Variants in ZNF292 observed in about 807,000 individuals in gnomAD.
ZNF292 encodes the protein zinc finger protein 292, also known as 16 zinc-finger domain protein.
In ZNF292, 26 loss-of-function variants were observed where a neutral mutation model predicts 217.9. The observed-to-expected ratio is 0.12, with a 90% CI of 0.09 to 0.17. ZNF292 has a LOEUF of 0.17. Ranked by LOEUF, ZNF292 falls within the 10% of genes least tolerant of loss-of-function variation. The probability of loss-of-function intolerance (pLI) is 1.00; values close to 1 mark genes in which losing one functional copy is unlikely to be tolerated. For missense variants in ZNF292, 2,904 were observed against 3,175.2 expected (o/e 0.91, Z 2.05); for synonymous variants, 1,257 against 1,124.1 (o/e 1.12, Z -2.37).
At chr6:87,221,944 TTC>T (rs1773103832) in intron 4 of ZNF292, among the ~76,000 whole-genome samples, 2 of 152,140 alleles carry the variant, frequency 1.3e-5, no homozygotes, top group South Asian at 4.1e-4. Context: ...AGCCATGTAA[TTC>T]TCACAACTCA....
Position 87,164,045 on chromosome 6 carries a change from G to A in ZNF292, c.168+8286G>A, listed in dbSNP as rs115042771. On this transcript the variant is annotated intron_variant, in intron 1 of 7. Coordinates refer to ENST00000369577, the MANE Select transcript of ZNF292 (RefSeq NM_015021.3). ...ACCCTTGTTTCGCCCACCTCGCCCC[G>A]CCAAGTATCGTGTATCAGTTATTGT... is the stretch of plus-strand genomic sequence containing the variant. Among the ~76,000 whole-genome samples, 1,438 of 152,194 alleles carry A rather than the reference G, an allele frequency of 9.4e-3. 19 individuals carry two copies. The highest frequency in any genetic ancestry group is 0.033 in the African/African-American group (1,353 of 41,516).
chr6:87,245,908 G>T (rs1173403023), intron 7 of ZNF292, among the ~76,000 whole-genome samples: 1 of 152,132 alleles, frequency 6.6e-6, no homozygotes, highest in Non-Finnish European at 1.5e-5. Flanking sequence ...GGTTCTAGGG[G>T]TTATACTACT....
intron 4 of ZNF292, among the ~76,000 whole-genome samples, chr6:87,227,247 A>G (rs888588437): frequency 3.3e-5 from 5 of 152,204 alleles, no homozygotes; most frequent in African/African-American, 4.8e-5. Flanking sequence ...AATCCTGGCT[A>G]TAATTAGAAT....
rs151046560 is a variant in ZNF292 at position 87,168,118 on chromosome 6, T to C, written c.168+12359T>C. On this transcript the variant is annotated intron_variant, in intron 1 of 7. Transcript: ENST00000369577. ...CCAGATTGAAGAGAAAGGGAATCAGTATTCAGAACAGGCACTGTTAGATGC... is the reference window on the plus strand; with the variant it reads ...CCAGATTGAAGAGAAAGGGAATCAGCATTCAGAACAGGCACTGTTAGATGC... Among the ~76,000 whole-genome samples, 277 of 152,336 alleles carry C rather than the reference T, an allele frequency of 1.8e-3. 2 individuals are homozygous for C. The highest frequency in any genetic ancestry group is 6.5e-3 in the African/African-American group (269 of 41,572).
At chr6:87,216,078 A>G (rs187550233) in intron 2 of ZNF292, 21 bp downstream of exon 2, 1 of 1,527,832 alleles carries the variant, frequency 6.5e-7, no homozygotes, top group Admixed American at 2.2e-5. Context: ...CTTTGAGTAA[A>G]TAAACTAGAT....
chr6:87,183,243 G>A (rs532520714), intron 1 of ZNF292, among the ~76,000 whole-genome samples: 1 of 152,242 alleles, frequency 6.6e-6, no homozygotes, highest in African/African-American at 2.4e-5. Context: ...ACAAAGAGCC[G>A]CATCTAATAA....
At chr6:87,220,459 A>C (rs1265446975) in intron 4 of ZNF292, among the ~76,000 whole-genome samples, 1 of 152,134 alleles carries the variant, frequency 6.6e-6, no homozygotes. Flanking sequence ...CCACATTACC[A>C]GTGATGAGAG....
In ZNF292 at chr6:87,258,180, C is replaced by G; in HGVS notation, c.4551C>G (p.Val1517=). ...TTTCTCATGTTTCAACAGGTTGTGT[C>G]TCTGATGCATCACAAGTAAATGCAA... ...EMLSHVSTGC[V]SDASQVNATV... The change falls in exon 8 of 8, where the codon GTC becomes GTG. Residue 1517 remains valine, a synonymous_variant. Transcript: ENST00000369577. 1 of 1,611,762 alleles carries G rather than the reference C, an allele frequency of 6.2e-7. No individual in the cohort carries two copies. Among genetic ancestry groups the G allele is most frequent in the Non-Finnish European group, 8.5e-7 (1 of 1,179,062 alleles).
chr6:87,261,280 G>T lies in ZNF292; in HGVS notation c.7651G>T (p.Glu2551Ter). The change falls in exon 8 of 8, where the codon GAA becomes TAA. Residue 2551 changes from glutamate (E) to a stop codon, truncating the protein, a stop_gained. Coordinates refer to ENST00000369577, the MANE Select transcript of ZNF292 (RefSeq NM_015021.3). LOFTEE classifies it high-confidence loss of function. ...QNKKRKVEKA[E>*]PASAAELSSV... Reference sequence around the variant, plus strand: ...TAAAAAAAGGAAAGTTGAAAAAGCTGAACCAGCATCAGCAGCTGAGTTAAG... The same window carrying T: ...TAAAAAAAGGAAAGTTGAAAAAGCTTAACCAGCATCAGCAGCTGAGTTAAG... The T allele has an allele frequency of 6.2e-7, 1 of 1,612,828 alleles. No homozygotes were observed. Among genetic ancestry groups the T allele is most frequent in the South Asian group, 1.1e-5 (1 of 90,818 alleles).
At chr6:87,241,308 A>G (rs964770062) in intron 5 of ZNF292, among the ~76,000 whole-genome samples, 7 of 152,152 alleles carry the variant, frequency 4.6e-5, no homozygotes, top group Admixed American at 3.3e-4. Context: ...AAATAAATAT[A>G]TAAAATAAAG....
chr6:87,157,543 C>T (rs541383033), intron 1 of ZNF292, among the ~76,000 whole-genome samples: 2 of 152,198 alleles, frequency 1.3e-5, no homozygotes, highest in South Asian at 2.1e-4. Flanking sequence ...AGTTTTAAGG[C>T]TAATTACTGT....
chr6:87,220,934 C>G (rs904684576), intron 4 of ZNF292, among the ~76,000 whole-genome samples: 1 of 152,120 alleles, frequency 6.6e-6, no homozygotes. Flanking sequence ...CACCCATAAT[C>G]TAGCCTGCAG....
In ZNF292 at chr6:87,216,102, TACATAGACACACACACACACACACACAC is replaced by T. The variant is rs755181093; in HGVS notation, c.323+49_323+76del. On this transcript the variant is annotated intron_variant, in intron 2 of 7. Transcript: ENST00000369577. ...AATAAACTAGATTTAGCTTTAAAAA[TACATAGACACACACACACACACACACAC>T]ACACACACACACACACACACACACA... 6.1e-5 allele frequency: 74 copies of T among 1,210,326 alleles called. 2 individuals carry two copies. The highest frequency in any genetic ancestry group is 2.0e-4 in the African/African-American group (11 of 54,560). The allele number at this position is 1,210,326 out of a possible 1,614,324, so 75.0% of individuals were successfully genotyped here.
chr6:87,261,812 A>T lies in ZNF292; in HGVS notation c.*11A>T, dbSNP rs1356162852. ...AGAGGTCAGTACTGATAATTAATGT[A>T]GTATAAATACATCATTTACCATTTT... is the stretch of plus-strand genomic sequence containing the variant. On this transcript the variant is annotated 3_prime_UTR_variant, in exon 8 of 8. Coordinates refer to ENST00000369577, the MANE Select transcript of ZNF292 (RefSeq NM_015021.3). The T allele has an allele frequency of 1.3e-6, 2 of 1,510,268 alleles. No individual in the cohort carries two copies. The highest frequency in any genetic ancestry group is 2.8e-5 in the African/African-American group (2 of 71,948). The allele number at this position is 1,510,268 out of a possible 1,614,324, so 93.6% of individuals were successfully genotyped here.
rs745862873 is a variant in ZNF292, at chr6:87,261,125, G to A, written c.7496G>A (p.Ser2499Asn). The change falls in exon 8 of 8, where the codon AGT (serine) becomes AAT (asparagine). Residue 2499 changes from serine (S) to asparagine (N), a missense_variant. By Grantham distance (46) the Ser-to-Asn change is conservative. Coordinates refer to ENST00000369577, the MANE Select transcript of ZNF292 (RefSeq NM_015021.3). ...ITKLINEDST[S>N]VETQANTSSN... ...AAATTAATAAATGAAGATAGCACAA[G>A]TGTAGAGACCCAAGCTAATACTTCT... 3 of 1,612,780 alleles carry A rather than the reference G, an allele frequency of 1.9e-6. No individual in the cohort carries two copies. The highest frequency in any genetic ancestry group is 1.7e-4 in the Middle Eastern group (1 of 6,060).
rs753983153 is a variant in ZNF292 at position 87,258,378 on chromosome 6, T to C, written c.4749T>C (p.Gly1583=). The C allele has an allele frequency of 1.2e-6, 2 of 1,613,684 alleles. No individual in the cohort carries two copies. Among genetic ancestry groups the C allele is most frequent in the Non-Finnish European group, 1.7e-6 (2 of 1,179,776 alleles). The change falls in exon 8 of 8, where the codon GGT becomes GGC. Residue 1583 remains glycine (G), a synonymous_variant. Coordinates refer to ENST00000369577, the MANE Select transcript of ZNF292 (RefSeq NM_015021.3). ...NDLLLKTVEN[G]LCSSSFPNSG... ...TACTACTGAAGACTGTTGAAAATGG[T>C]TTGTGCTCTAGTTCATTTCCTAATT...
rs746631480 is a variant in ZNF292, at chr6:87,261,316, AAAG to A, written c.7696_7698del (p.Glu2566del). 1.7e-5 allele frequency: 28 copies of A among 1,613,496 alleles called. No homozygotes were observed. The highest frequency in any genetic ancestry group is 2.2e-5 in the East Asian group (1 of 44,868). On this transcript the variant is annotated inframe_deletion, in exon 8 of 8. Transcript: ENST00000369577. ...AGCAGCTGAGTTAAGTAGCGTGCGT[AAAG>A]AAGAAGAAACTGCTGTTGCCATTCA... is the stretch of plus-strand genomic sequence containing the variant.
chr6:87,255,762 C>G lies in ZNF292; in HGVS notation c.2133C>G (p.Ala711=). ...HVKGHKDNED[A]KRFLEMQSKK... is the part of the protein sequence containing the mutation. ...AGGGGCATAAAGATAATGAAGACGC[C>G]AAGCGCTTTCTTGAAATGCAGAGCA... The change falls in exon 8 of 8, where the codon GCC becomes GCG. Residue 711 remains alanine, a synonymous_variant. Transcript: ENST00000369577. 1 of 1,613,708 alleles carries G rather than the reference C, an allele frequency of 6.2e-7. No individual in the cohort carries two copies. The highest frequency in any genetic ancestry group is 8.5e-7 in the Non-Finnish European group (1 of 1,179,822).
chr6:87,253,842 T>C (rs550838453), intron 7 of ZNF292, among the ~76,000 whole-genome samples: 4 of 152,378 alleles, frequency 2.6e-5, no homozygotes, highest in African/African-American at 4.8e-5. Flanking sequence ...GGCTATCTTA[T>C]TTCTCATTTA....
Sources: gnomAD v4.1 joint callset for allele counts (sites outside exome capture counted in the v4.1 genomes callset) on GRCh38, gnomAD v4.1.1 for gene constraint, MANE v1.5 for transcripts, NCBI Gene and HGNC (gene_info 2026-07-23, HGNC 2026-07-21) for gene names.